The following FRMD4A variants were observed in gnomAD, a reference collection of about 807,000 sequenced individuals.
The protein encoded by FRMD4A is FERM domain containing 4A, also known as FERM domain-containing protein 4A.
In FRMD4A, 29 loss-of-function variants were observed where a neutral mutation model predicts 129.1. That is an observed-to-expected ratio of 0.22 (90% CI 0.17 to 0.31). The LOEUF (loss-of-function observed/expected upper bound fraction) is 0.31, where lower values mean the gene tolerates loss of function less well. Ranked by LOEUF, FRMD4A falls within the 10% of genes least tolerant of loss-of-function variation. The pLI is 1.00. For synonymous variants in FRMD4A, 634 were observed against 571.6 expected, an observed-to-expected ratio of 1.11 and a Z score of -1.56; for missense variants, 1,272 against 1,375.8, an observed-to-expected ratio of 0.92 and a Z score of 1.19.
intron 3 of FRMD4A, among the ~76,000 whole-genome samples, chr10:13,847,230 C>G (rs927658813): frequency 2.0e-5 from 3 of 152,118 alleles, no homozygotes; most frequent in African/African-American, 7.2e-5. Context: ...TCACAAAGAC[C>G]TAGTGGGCGG....
intron 2 of FRMD4A, among the ~76,000 whole-genome samples, chr10:14,231,490 TCA>T (rs1480193140): frequency 6.6e-6 from 1 of 152,052 alleles, no homozygotes; most frequent in Non-Finnish European, 1.5e-5. Flanking sequence ...CTACAGGCAC[TCA>T]CCACCACGCC....
intron 2 of FRMD4A, among the ~76,000 whole-genome samples, chr10:14,324,632 C>T (rs1012487169): frequency 6.7e-6 from 1 of 149,752 alleles, no homozygotes. Flanking sequence ...ATCATGAAAA[C>T]TTGAGTACTA....
chr10:13,717,692 G>T (rs1290060346), intron 12 of FRMD4A, among the ~76,000 whole-genome samples: 31 of 95,226 alleles, frequency 3.3e-4, no homozygotes, highest in East Asian at 1.3e-3. Context: ...TGTTGTTCTT[G>T]TTTTTTTTTT....
chr10:13,891,128 G>T (rs758755717), intron 2 of FRMD4A, among the ~76,000 whole-genome samples: 1 of 152,036 alleles, frequency 6.6e-6, no homozygotes, highest in African/African-American at 2.4e-5. Flanking sequence ...CTCCCCTTCC[G>T]AGCGTCCGTT....
At chr10:13,800,042 C>T (rs1349698243) in intron 4 of FRMD4A, among the ~76,000 whole-genome samples, 7 of 151,682 alleles carry the variant, frequency 4.6e-5, no homozygotes, top group Admixed American at 1.3e-4. Flanking sequence ...ATTAGCCAGG[C>T]GTGGTGGCAC....
At chr10:13,863,878 A>G (rs1282866405) in intron 2 of FRMD4A, among the ~76,000 whole-genome samples, 1 of 152,134 alleles carries the variant, frequency 6.6e-6, no homozygotes, top group Non-Finnish European at 1.5e-5. Flanking sequence ...TTAGGCTTAG[A>G]TTGGAAACAG....
chr10:13,657,760 G>A (rs2134656460), intron 21 of FRMD4A, among the ~76,000 whole-genome samples: 1 of 151,196 alleles, frequency 6.6e-6, no homozygotes, highest in African/African-American at 2.4e-5. Flanking sequence ...ACTGAAGCTA[G>A]GACTCACAGA....
At chr10:13,773,324 C>G (rs1194419584) in intron 6 of FRMD4A, among the ~76,000 whole-genome samples, 1 of 152,188 alleles carries the variant, frequency 6.6e-6, no homozygotes, top group African/African-American at 2.4e-5. Flanking sequence ...ACTTTCTCTT[C>G]TCAGCTTGCA....
At chr10:14,105,526 C>A (rs539599285) in intron 2 of FRMD4A, among the ~76,000 whole-genome samples, 1 of 152,230 alleles carries the variant, frequency 6.6e-6, no homozygotes, top group African/African-American at 2.4e-5. Context: ...TACATTGTCA[C>A]TTATAACATT....
At chr10:14,006,421 A>T (rs1184125478) in intron 2 of FRMD4A, among the ~76,000 whole-genome samples, 1 of 152,178 alleles carries the variant, frequency 6.6e-6, no homozygotes, top group East Asian at 1.9e-4. Context: ...ATATTCCCAT[A>T]TTGTCAATTT....
At chr10:14,154,264 A>G (rs1037638592) in intron 2 of FRMD4A, among the ~76,000 whole-genome samples, 3 of 152,190 alleles carry the variant, frequency 2.0e-5, no homozygotes, top group African/African-American at 7.2e-5. Context: ...ATGAGGAGCC[A>G]AAGCTGAAGA....
intron 2 of FRMD4A, among the ~76,000 whole-genome samples, chr10:13,881,241 A>AC (rs1240030142): frequency 8.2e-6 from 1 of 121,298 alleles, no homozygotes; most frequent in Non-Finnish European, 1.7e-5. Flanking sequence ...ATCTAGTGAG[A>AC]CCCCCATCTC....
chr10:13,843,445 C>G (rs1328926445), intron 3 of FRMD4A, among the ~76,000 whole-genome samples: 1 of 152,076 alleles, frequency 6.6e-6, no homozygotes, highest in Admixed American at 6.6e-5. Context: ...GGAGGGACAT[C>G]TGGGGAATAA....
chr10:14,158,527 G>A lies in FRMD4A; in HGVS notation c.45+171531C>T, dbSNP rs145576303. On this transcript the variant is annotated intron_variant, in intron 2 of 24. Coordinates refer to ENST00000357447, the MANE Select transcript of FRMD4A (RefSeq NM_018027.5). ...ACTCGAGAGCTGAGGCAGGAGGATC[G>A]CTTGAGCCCAGGAGTTAGAGGCTAC... is the stretch of plus-strand genomic sequence containing the variant. Among the ~76,000 whole-genome samples the A allele has an allele frequency of 3.3e-3, 497 of 152,136 alleles. 4 individuals carry two copies. The highest frequency in any genetic ancestry group is 0.012 in the African/African-American group (479 of 41,482).
chr10:14,078,587 T>A (rs1835747065), intron 2 of FRMD4A, among the ~76,000 whole-genome samples: 1 of 152,212 alleles, frequency 6.6e-6, no homozygotes, highest in Admixed American at 6.5e-5. Context: ...CTCCTGGATG[T>A]GTTTCATTTT....
chr10:13,688,407 AG>A (rs2085311993), intron 15 of FRMD4A, among the ~76,000 whole-genome samples: 2 of 150,508 alleles, frequency 1.3e-5, no homozygotes, highest in Non-Finnish European at 3.0e-5. Flanking sequence ...GGTGGGGGAC[AG>A]GGGGAGGGAT....
intron 2 of FRMD4A, among the ~76,000 whole-genome samples, chr10:13,963,453 C>A (rs1328854488): frequency 6.6e-6 from 1 of 152,056 alleles, no homozygotes; most frequent in Non-Finnish European, 1.5e-5. Flanking sequence ...GCCCAACTTT[C>A]CACATGTGGA....
At chr10:13,891,636 G>T in intron 2 of FRMD4A, 1 of 985,250 alleles carries the variant, frequency 1.0e-6, no homozygotes, top group Non-Finnish European at 1.2e-6. Context: ...TTTATTTTTT[G>T]CGCTTCCAAG....
At chr10:14,193,365 C>T (rs906318112) in intron 2 of FRMD4A, among the ~76,000 whole-genome samples, 6 of 152,120 alleles carry the variant, frequency 3.9e-5, no homozygotes, top group Non-Finnish European at 7.4e-5. Context: ...GTCCAGAGAC[C>T]TTGTCTTATT....
Sources: gnomAD v4.1 joint callset for allele counts (sites outside exome capture counted in the v4.1 genomes callset) on GRCh38, gnomAD v4.1.1 for gene constraint, MANE v1.5 for transcripts, NCBI Gene and HGNC (gene_info 2026-07-23, HGNC 2026-07-21) for gene names.